The following MTHFD1 variants were observed in gnomAD, a reference collection of about 807,000 sequenced individuals.
The protein encoded by MTHFD1 is C-1-tetrahydrofolate synthase, cytoplasmic.
Under a neutral mutation model 110.3 loss-of-function variants are expected in MTHFD1, and 44 were observed. The ratio of observed to expected loss-of-function variants is 0.40; its 90% CI spans 0.31 to 0.51. The LOEUF is 0.51. Among genes scored for constraint, MTHFD1 ranks in the 20% least tolerant of loss-of-function variants. The pLI is 0.60. For synonymous variants in MTHFD1, 402 were observed against 428.8 expected, an observed-to-expected ratio of 0.94 and a Z score of 0.77; for missense variants, 909 against 1,173.1, an observed-to-expected ratio of 0.77 and a Z score of 3.29.
intron 2 of MTHFD1, among the ~76,000 whole-genome samples, chr14:64,410,786 CAT>C (rs1465655409): frequency 6.6e-6 from 1 of 152,128 alleles, no homozygotes; most frequent in Non-Finnish European, 1.5e-5. Flanking sequence ...AGAAATCCCA[CAT>C]GTTTCTAGTA....
At position 64,431,867 on chromosome 14, in the gene MTHFD1, C is replaced by CT; in HGVS notation, c.1494+13dup. On this transcript the variant is annotated splice_region_variant and intron_variant, in intron 15 of 27. Transcript: ENST00000652337. ...TCCAAATCCGAAGGTTAAAGGTAAG[C>CT]TTTTTTTCTTCCACATTTTTTATAT... 6.2e-7 allele frequency: 1 copy of CT among 1,612,192 alleles called. No individual in the cohort carries two copies. Among genetic ancestry groups the CT allele is most frequent in the Non-Finnish European group, 8.5e-7 (1 of 1,178,294 alleles).
intron 2 of MTHFD1, among the ~76,000 whole-genome samples, chr14:64,404,269 C>T (rs901211674): frequency 8.5e-5 from 13 of 152,218 alleles, no homozygotes; most frequent in Non-Finnish European, 1.6e-4. Context: ...TTCCCACCTT[C>T]AAGTCTCCTT....
intron 8 of MTHFD1, among the ~76,000 whole-genome samples, chr14:64,421,375 C>A (rs904221062): frequency 6.6e-6 from 1 of 152,086 alleles, no homozygotes; most frequent in African/African-American, 2.4e-5. Flanking sequence ...TTCTCCCTTC[C>A]CATCTCAAGT....
At chr14:64,402,250 T>C (rs2077903264) in intron 2 of MTHFD1, among the ~76,000 whole-genome samples, 1 of 152,190 alleles carries the variant, frequency 6.6e-6, no homozygotes, top group Non-Finnish European at 1.5e-5. Context: ...ATTTGGAAAA[T>C]AATAGTTCCC....
chr14:64,441,752 G>A (rs954767764), intron 19 of MTHFD1: 99 of 547,098 alleles, frequency 1.8e-4, no homozygotes, highest in Non-Finnish European at 3.1e-4. Flanking sequence ...GCAGTGAGCC[G>A]AGATCACGCC....
chr14:64,401,295 G>C (rs1458457843), intron 2 of MTHFD1, among the ~76,000 whole-genome samples: 1 of 152,118 alleles, frequency 6.6e-6, no homozygotes, highest in East Asian at 1.9e-4. Context: ...GCCAAAGCAT[G>C]GGTATTACAG....
At chr14:64,405,244 C>T (rs961715035) in intron 2 of MTHFD1, among the ~76,000 whole-genome samples, 13 of 152,192 alleles carry the variant, frequency 8.5e-5, no homozygotes, top group East Asian at 5.8e-4. Context: ...AAGAAGTATA[C>T]CCTTTTTAAA....
chr14:64,447,767 G>C (rs1485316221), intron 22 of MTHFD1, among the ~76,000 whole-genome samples: 1 of 152,086 alleles, frequency 6.6e-6, no homozygotes, highest in East Asian at 1.9e-4. Context: ...CAGCCACTAT[G>C]TTGTTAGGCT....
At chr14:64,408,168 CT>C (rs1194580442) in intron 2 of MTHFD1, among the ~76,000 whole-genome samples, 1 of 152,078 alleles carries the variant, frequency 6.6e-6, no homozygotes, top group Non-Finnish European at 1.5e-5. Context: ...CCGTCTGCCC[CT>C]CTACAGAAAG....
chr14:64,449,693 T>A (rs2078339556), intron 24 of MTHFD1, 71 bp downstream of exon 24: 1 of 1,527,214 alleles, frequency 6.5e-7, no homozygotes, highest in Non-Finnish European at 8.9e-7. Context: ...GTGTGGCTAC[T>A]TCTATTAGAG....
At chr14:64,421,905 G>A (rs952477677) in intron 8 of MTHFD1, among the ~76,000 whole-genome samples, 2 of 152,072 alleles carry the variant, frequency 1.3e-5, no homozygotes, top group African/African-American at 2.4e-5. Context: ...GATTACAGGC[G>A]TGAGCCACCG....
At chr14:64,390,639 A>G (rs1334472144) in intron 1 of MTHFD1, among the ~76,000 whole-genome samples, 1 of 146,702 alleles carries the variant, frequency 6.8e-6, no homozygotes, top group Non-Finnish European at 1.5e-5. Context: ...GTCCGCCACC[A>G]TGTCCAGCTA....
At chr14:64,410,050 C>T (rs1033279351) in intron 2 of MTHFD1, among the ~76,000 whole-genome samples, 3 of 152,086 alleles carry the variant, frequency 2.0e-5, no homozygotes, top group African/African-American at 7.2e-5. Flanking sequence ...GGAGAAATAC[C>T]AACCACTGGA....
intron 1 of MTHFD1, among the ~76,000 whole-genome samples, chr14:64,390,645 A>G (rs536269664): frequency 2.3e-4 from 35 of 150,468 alleles, no homozygotes; most frequent in Admixed American, 2.0e-3. Context: ...CACCATGTCC[A>G]GCTAGTTTGT....
At chr14:64,430,594 C>T (rs1486269037) in intron 13 of MTHFD1, among the ~76,000 whole-genome samples, 1 of 152,186 alleles carries the variant, frequency 6.6e-6, no homozygotes, top group Non-Finnish European at 1.5e-5. Context: ...CCGCACCCAG[C>T]CTAGATTCTT....
intron 1 of MTHFD1, among the ~76,000 whole-genome samples, chr14:64,389,428 C>G (rs944128283): frequency 3.3e-5 from 5 of 152,040 alleles, no homozygotes; most frequent in African/African-American, 1.2e-4. Flanking sequence ...GGTGAAAAGT[C>G]CGGGCCCAGT....
chr14:64,442,550 T>A (rs776318735), intron 21 of MTHFD1, 148 bp downstream of exon 21: 20 of 852,190 alleles, frequency 2.3e-5, no homozygotes, highest in Non-Finnish European at 3.1e-5. Flanking sequence ...ACAGCCCTTG[T>A]GTTGGCTGCC....
chr14:64,442,611 C>T (rs1024184108), intron 21 of MTHFD1, among the ~76,000 whole-genome samples: 7 of 152,214 alleles, frequency 4.6e-5, no homozygotes, highest in Non-Finnish European at 7.3e-5. Context: ...GGGCCAAAAT[C>T]GGCTGCCTGG....
chr14:64,425,370 G>A (rs529068072), intron 9 of MTHFD1, among the ~76,000 whole-genome samples: 6 of 152,000 alleles, frequency 3.9e-5, no homozygotes, highest in South Asian at 2.1e-4. Flanking sequence ...GCACCACCAC[G>A]CCCGGCGAAT....
Sources: gnomAD v4.1 joint callset for allele counts (sites outside exome capture counted in the v4.1 genomes callset) on GRCh38, gnomAD v4.1.1 for gene constraint, MANE v1.5 for transcripts, NCBI Gene and HGNC (gene_info 2026-07-23, HGNC 2026-07-21) for gene names.